The following IFT74 variants were observed in gnomAD, a reference collection of about 807,000 sequenced individuals.
IFT74 encodes the protein intraflagellar transport 74.
A neutral mutation model predicts 96.7 loss-of-function variants in IFT74; 92 were observed. That is an observed-to-expected ratio of 0.95 (90% CI 0.80 to 1.13). IFT74 has a LOEUF of 1.13. Among genes scored for constraint, IFT74 ranks in the 50% most tolerant of loss-of-function variants. The probability of loss-of-function intolerance (pLI) is 0.00; values close to 1 mark genes in which losing one functional copy is unlikely to be tolerated. For synonymous variants in IFT74, 223 were observed against 213.2 expected (o/e 1.05, Z -0.40); for missense variants, 811 against 698.2 (o/e 1.16, Z -1.82).
chr9:27,058,348 C>T (rs772573945), intron 18 of IFT74, among the ~76,000 whole-genome samples: 13 of 152,168 alleles, frequency 8.5e-5, no homozygotes, highest in Non-Finnish European at 1.5e-4. Context: ...CTCAGCCTCC[C>T]AAAGTGCTGG....
rs2131721028 is a variant in IFT74, at chr9:27,063,251, T to C, written c.*515T>C. The stretch of plus-strand genomic sequence containing the variant: ...TCACAGGTAAATATATAACATATAT[T>C]CTTTATATAGCAGTTATACCTAAAG... On this transcript the variant is annotated 3_prime_UTR_variant, in exon 20 of 20. Transcript: ENST00000380062. Among the ~76,000 whole-genome samples, 1 of 152,308 alleles carries C rather than the reference T, an allele frequency of 6.6e-6. No individual in the cohort carries two copies. The highest frequency in any genetic ancestry group is 6.5e-5 in the Admixed American group (1 of 15,292).
intron 2 of IFT74, among the ~76,000 whole-genome samples, chr9:26,977,431 C>T (rs1345377969): frequency 6.6e-6 from 1 of 152,196 alleles, no homozygotes; most frequent in Non-Finnish European, 1.5e-5. Flanking sequence ...GCCCTTGTCT[C>T]TAAAACAAAC....
chr9:27,047,455 T>C (rs1819743012), intron 15 of IFT74, 84 bp downstream of exon 15: 1 of 737,378 alleles, frequency 1.4e-6, no homozygotes, highest in African/African-American at 1.8e-5. Flanking sequence ...ATAGAACGGC[T>C]CACTATTGTA....
At chr9:27,005,494 A>G (rs537692918) in intron 8 of IFT74, 1 of 151,950 alleles carries the variant, frequency 6.6e-6, no homozygotes, top group South Asian at 2.1e-4. Flanking sequence ...ATTTTTCATC[A>G]CTTCTTAAAG....
intron 13 of IFT74, among the ~76,000 whole-genome samples, chr9:27,039,785 A>G (rs1819383121): frequency 6.6e-6 from 1 of 152,172 alleles, no homozygotes; most frequent in South Asian, 2.1e-4. Context: ...AAAAGACTTG[A>G]ACATCCTCAG....
At chr9:27,057,247 C>A (rs73438243) in intron 18 of IFT74, among the ~76,000 whole-genome samples, 28 of 152,150 alleles carry the variant, frequency 1.8e-4, no homozygotes, top group African/African-American at 6.7e-4. Flanking sequence ...ACATAGGATG[C>A]GTAGATATAT....
chr9:26,953,696 G>T (rs115335243), upstream of IFT74, among the ~76,000 whole-genome samples: 10 of 150,208 alleles, frequency 6.7e-5, no homozygotes, highest in Non-Finnish European at 7.4e-5. Context: ...TTTTTTGTAG[G>T]GGGGGGGTCT....
At chr9:27,044,691 C>A (rs556952018) in intron 13 of IFT74, 51 bp from the exon 14 acceptor site, 4 of 1,011,620 alleles carry the variant, frequency 4.0e-6, no homozygotes, top group South Asian at 2.8e-5. Context: ...TAATTTAGAG[C>A]CCTGTATGTG....
intron 13 of IFT74, among the ~76,000 whole-genome samples, chr9:27,033,225 G>A (rs747692661): frequency 6.6e-6 from 1 of 152,068 alleles, no homozygotes; most frequent in South Asian, 2.1e-4. Context: ...AAATGGTATA[G>A]CATAGTGGTC....
At chr9:26,996,428 T>C in intron 8 of IFT74, 1 of 1,605,406 alleles carries the variant, frequency 6.2e-7, no homozygotes, top group Non-Finnish European at 8.5e-7. Context: ...CATTCAGCCT[T>C]ATGAGGTACT....
At chr9:27,030,853 G>A (rs1333706316) in intron 13 of IFT74, among the ~76,000 whole-genome samples, 1 of 152,136 alleles carries the variant, frequency 6.6e-6, no homozygotes, top group Non-Finnish European at 1.5e-5. Flanking sequence ...AATAGAAAAA[G>A]TATTGTTCTT....
chr9:26,971,556 G>A (rs1417355759), intron 2 of IFT74, among the ~76,000 whole-genome samples: 1 of 152,070 alleles, frequency 6.6e-6, no homozygotes, highest in African/African-American at 2.4e-5. Context: ...AGAGAAAATG[G>A]GGACTGTGGT....
At chr9:27,027,186 A>G (rs1162715689) in intron 12 of IFT74, among the ~76,000 whole-genome samples, 1 of 152,146 alleles carries the variant, frequency 6.6e-6, no homozygotes, top group Non-Finnish European at 1.5e-5. Context: ...TACAGTGAGC[A>G]CCTTTACACG....
rs541787068 is a variant in IFT74 at position 27,060,814 on chromosome 9, T to C, written c.1684+163T>C. ...TCTACTAAAAAATACAAAAAAAACA[T>C]AGCCGGGCGTGGTGGCGGGTGCCTG... On this transcript the variant is annotated intron_variant, in intron 19 of 19. Transcript: ENST00000380062. 1.2e-3 allele frequency: 500 copies of C among 402,446 alleles called. 4 individuals carry two copies. Among genetic ancestry groups the C allele is most frequent in the African/African-American group, 9.9e-3 (475 of 47,974 alleles). The allele number at this position is 402,446 out of a possible 1,614,324, so 24.9% of individuals were successfully genotyped here.
chr9:27,010,828 T>G (rs937113047), intron 9 of IFT74, among the ~76,000 whole-genome samples: 1 of 152,130 alleles, frequency 6.6e-6, no homozygotes, highest in Non-Finnish European at 1.5e-5. Flanking sequence ...AATAAGCAAT[T>G]TAAGTCCCTG....
intron 13 of IFT74, among the ~76,000 whole-genome samples, chr9:27,033,463 G>A (rs1830217294): frequency 6.6e-6 from 1 of 151,640 alleles, no homozygotes; most frequent in Non-Finnish European, 1.5e-5. Flanking sequence ...ATTTGCTAAG[G>A]TAGGATGATT....
At chr9:26,997,989 T>G in intron 8 of IFT74, 1 of 1,613,964 alleles carries the variant, frequency 6.2e-7, no homozygotes, top group Admixed American at 1.7e-5. Context: ...CCCTGTTGAA[T>G]TACATAGATG....
chr9:26,973,795 A>G (rs1826979890), intron 2 of IFT74, among the ~76,000 whole-genome samples: 1 of 152,168 alleles, frequency 6.6e-6, no homozygotes, highest in South Asian at 2.1e-4. Context: ...GAGGAGTGAG[A>G]CACTCCTGAA....
chr9:26,963,140 G>A (rs1826443296), intron 2 of IFT74, among the ~76,000 whole-genome samples: 1 of 151,724 alleles, frequency 6.6e-6, no homozygotes, highest in Non-Finnish European at 1.5e-5. Flanking sequence ...CCCAGAGTGT[G>A]ATATTCCCCT....
Sources: allele counts gnomAD v4.1 joint callset (sites outside exome capture counted in the v4.1 genomes callset), GRCh38; gene constraint gnomAD v4.1.1; transcripts MANE v1.5; gene names NCBI Gene and HGNC (gene_info 2026-07-23, HGNC 2026-07-21).